CNGA1: variants seen among roughly 807,000 people sequenced by gnomAD.
CNGA1 encodes cyclic nucleotide-gated channel alpha-1.
In CNGA1, 53 loss-of-function variants were observed where a neutral mutation model predicts 69.7. The ratio of observed to expected loss-of-function variants is 0.76; its 90% CI spans 0.61 to 0.96. CNGA1 has a LOEUF of 0.96. Among genes scored for constraint, CNGA1 ranks in the 40% least tolerant of loss-of-function variants. CNGA1 has a pLI of 0.00. For synonymous variants in CNGA1, 249 were observed against 283.5 expected (o/e 0.88, Z 1.22); for missense variants, 739 against 811.2 (o/e 0.91, Z 1.08).
chr4:47,959,187 C>G (rs1345458016), intron 3 of CNGA1: 1 of 152,008 alleles, frequency 6.6e-6, no homozygotes, highest in Non-Finnish European at 1.5e-5. Flanking sequence ...GGTGCTGGTG[C>G]CCAACAGCCT....
intron 2 of CNGA1, among the ~76,000 whole-genome samples, chr4:47,994,820 G>T (rs1742414955): frequency 6.6e-6 from 1 of 152,082 alleles, no homozygotes; most frequent in Non-Finnish European, 1.5e-5. Flanking sequence ...GTGTTCCCAG[G>T]ATTTGTTTCA....
At chr4:48,014,547 A>G (rs1179590683) in intron 1 of CNGA1, among the ~76,000 whole-genome samples, 1 of 152,212 alleles carries the variant, frequency 6.6e-6, no homozygotes, top group Non-Finnish European at 1.5e-5. Flanking sequence ...AAATGGGTTA[A>G]GAGCACATAC....
intron 3 of CNGA1, among the ~76,000 whole-genome samples, chr4:47,976,903 C>T (rs1741447189): frequency 6.6e-6 from 1 of 152,112 alleles, no homozygotes; most frequent in African/African-American, 2.4e-5. Context: ...TCTCATATGA[C>T]AATATCACGT....
intron 2 of CNGA1, among the ~76,000 whole-genome samples, chr4:47,985,424 C>CA (rs1248578367): frequency 6.6e-6 from 1 of 152,130 alleles, no homozygotes; most frequent in African/African-American, 2.4e-5. Flanking sequence ...ATCAAAATGA[C>CA]AAGATCCAGA....
intron 2 of CNGA1, among the ~76,000 whole-genome samples, chr4:48,007,392 C>T (rs1039256917): frequency 1.3e-5 from 2 of 152,068 alleles, no homozygotes; most frequent in African/African-American, 2.4e-5. Context: ...CCTTACAATC[C>T]CACATGCCCA....
At chr4:47,999,234 A>G (rs904211177) in intron 2 of CNGA1, among the ~76,000 whole-genome samples, 3 of 152,196 alleles carry the variant, frequency 2.0e-5, no homozygotes, top group Admixed American at 6.5e-5. Flanking sequence ...GAATTTTATC[A>G]TAGGCAAAAA....
At chr4:47,979,863 T>C (rs1578107817) in intron 3 of CNGA1, among the ~76,000 whole-genome samples, 1 of 152,182 alleles carries the variant, frequency 6.6e-6, no homozygotes, top group African/African-American at 2.4e-5. Context: ...GCAATGGCTG[T>C]TTTGTTGATA....
intron 3 of CNGA1, among the ~76,000 whole-genome samples, chr4:47,954,113 G>A (rs938030463): frequency 6.6e-6 from 1 of 152,078 alleles, no homozygotes; most frequent in African/African-American, 2.4e-5. Context: ...GAGTGGTGGA[G>A]AGCAGCAGAG....
At chr4:47,974,576 A>G (rs1386684717) in intron 3 of CNGA1, among the ~76,000 whole-genome samples, 2 of 152,218 alleles carry the variant, frequency 1.3e-5, no homozygotes, top group African/African-American at 2.4e-5. Context: ...AAAGGATACA[A>G]TGTTTCAGTT....
intron 3 of CNGA1, 165 bp from the exon 4 acceptor site, chr4:47,952,868 A>C: frequency 7.3e-6 from 3 of 409,966 alleles, no homozygotes; most frequent in Non-Finnish European, 1.2e-5. Flanking sequence ...TTGTAGCTCC[A>C]CATGGCTAGG....
At chr4:47,968,326 T>G (rs954574961) in intron 3 of CNGA1, among the ~76,000 whole-genome samples, 1 of 151,864 alleles carries the variant, frequency 6.6e-6, no homozygotes, top group Non-Finnish European at 1.5e-5. Flanking sequence ...TCTAGGGGAG[T>G]TTTTTTTAAT....
At chr4:47,970,593 G>T (rs202077819) in intron 3 of CNGA1, among the ~76,000 whole-genome samples, 1 of 151,592 alleles carries the variant, frequency 6.6e-6, no homozygotes, top group East Asian at 1.9e-4. Context: ...TGGAGGTTGT[G>T]GTGGGCAGAG....
At chr4:48,001,936 C>T (rs1431226861) in intron 2 of CNGA1, among the ~76,000 whole-genome samples, 1 of 152,112 alleles carries the variant, frequency 6.6e-6, no homozygotes, top group African/African-American at 2.4e-5. Context: ...TCCTTCATAA[C>T]CCATGGGTCA....
chr4:48,002,497 AG>A (rs1560313645), intron 2 of CNGA1, among the ~76,000 whole-genome samples: 1 of 151,984 alleles, frequency 6.6e-6, no homozygotes, highest in Non-Finnish European at 1.5e-5. Flanking sequence ...GTCTTAGGTC[AG>A]GGGTTTTTCA....
chr4:48,016,597 C>G lies in CNGA1; in HGVS notation c.-337G>C, dbSNP rs321634. ...GGGCAGCTGCTACTCCTGCCAGATA[C>G]ACCAGTTATCACAGGCCGCTCCCAG... On this transcript the variant is annotated 5_prime_UTR_variant, in exon 1 of 11. Transcript: ENST00000514170. 114,011 of 529,708 alleles carry G rather than the reference C, an allele frequency of 0.22. 12,746 individuals are homozygous for G. The highest frequency in any genetic ancestry group is 0.29 in the Middle Eastern group (598 of 2,044). The allele number at this position is 529,708 out of a possible 1,614,324, so 32.8% of individuals were successfully genotyped here. A position where few individuals can be genotyped will look rare whatever the true frequency, so the allele number is the denominator to read the frequency against.
intron 6 of CNGA1, among the ~76,000 whole-genome samples, chr4:47,945,212 T>G (rs1739322256): frequency 6.6e-6 from 1 of 151,976 alleles, no homozygotes; most frequent in Non-Finnish European, 1.5e-5. Context: ...ATAAATTGAT[T>G]CATTACAATT....
chr4:47,969,288 C>T (rs1740887249), intron 3 of CNGA1, among the ~76,000 whole-genome samples: 4 of 152,034 alleles, frequency 2.6e-5, no homozygotes, highest in East Asian at 3.9e-4. Context: ...GTCCCTTCAC[C>T]GAGACAAATT....
At position 47,965,657 on chromosome 4, in the gene CNGA1, C is replaced by T. The variant is rs564523011; in HGVS notation, c.-14-12954G>A. Among the ~76,000 whole-genome samples, 284 of 152,156 alleles carry T rather than the reference C, an allele frequency of 1.9e-3. 1 individual carries two copies. The highest frequency in any genetic ancestry group is 0.014 in the Middle Eastern group (4 of 294). Reference sequence around the variant, plus strand: ...GGCCAGGCTGGTCTCAAACTCCTGACCTCAGGTGATCCACCCACCTCAGCC... The same window carrying T: ...GGCCAGGCTGGTCTCAAACTCCTGATCTCAGGTGATCCACCCACCTCAGCC... On this transcript the variant is annotated intron_variant, in intron 3 of 10. Coordinates refer to ENST00000514170, the MANE Select transcript of CNGA1 (RefSeq NM_001379270.1).
chr4:47,948,338 GA>G (rs1413201176), intron 6 of CNGA1, among the ~76,000 whole-genome samples: 13 of 152,298 alleles, frequency 8.5e-5, no homozygotes, highest in Non-Finnish European at 1.5e-4. Flanking sequence ...ACTCTAGGAA[GA>G]AAAGGTGCCA....
Sources: gnomAD v4.1 joint callset for allele counts (sites outside exome capture counted in the v4.1 genomes callset) on GRCh38, gnomAD v4.1.1 for gene constraint, MANE v1.5 for transcripts, NCBI Gene and HGNC (gene_info 2026-07-23, HGNC 2026-07-21) for gene names.